Variants in MME observed in about 807,000 individuals in gnomAD.
MME encodes neprilysin.
A neutral mutation model predicts 113.2 loss-of-function variants in MME; 98 were observed. That is an observed-to-expected ratio of 0.87 (90% CI 0.74 to 1.02). The LOEUF (loss-of-function observed/expected upper bound fraction) is 1.02. Among genes scored for constraint, MME ranks in the 50% least tolerant of loss-of-function variants. The pLI is 0.00. For missense variants in MME, 836 were observed against 896.0 expected (o/e 0.93, Z 0.86); for synonymous variants, 292 against 300.6 (o/e 0.97, Z 0.30).
chr3:155,087,749 G>A (rs1446447786), intron 3 of MME, among the ~76,000 whole-genome samples: 1 of 151,938 alleles, frequency 6.6e-6, no homozygotes, highest in East Asian at 1.9e-4. Flanking sequence ...GAAGAAACTG[G>A]ATTTTTTGAC....
At chr3:155,097,776 G>A (rs1716863373) in intron 3 of MME, among the ~76,000 whole-genome samples, 1 of 152,168 alleles carries the variant, frequency 6.6e-6, no homozygotes, top group South Asian at 2.1e-4. Context: ...ATCTCCGCCT[G>A]GGAGTGAGCT....
In MME at chr3:155,160,513, A is replaced by G. The variant is rs543440029; in HGVS notation, c.1660+65A>G. 3.8e-6 allele frequency: 4 copies of G among 1,052,752 alleles called. No individual in the cohort carries two copies. In the African/African-American group the frequency reaches 4.7e-5, roughly 12 times the overall value. The allele number at this position is 1,052,752 out of a possible 1,614,324, so 65.2% of individuals were successfully genotyped here. A position where few individuals can be genotyped will look rare whatever the true frequency, so the allele number is the denominator to read the frequency against. ...TCGTTCCCAACCTGTAGTGCATTGT[A>G]TGACCAATTACAATACCTCTAAACA... On this transcript the variant is annotated intron_variant, in intron 17 of 22. Transcript: ENST00000360490.
intron 3 of MME, among the ~76,000 whole-genome samples, chr3:155,086,403 T>G (rs901078164): frequency 2.0e-5 from 3 of 152,196 alleles, no homozygotes; most frequent in African/African-American, 7.2e-5. Context: ...AGCTGGAATT[T>G]GGATTTGAGA....
chr3:155,156,561 A>T (rs75116437), intron 16 of MME, among the ~76,000 whole-genome samples: 3,299 of 152,258 alleles, frequency 0.022, 66 homozygotes, highest in East Asian at 0.11. Flanking sequence ...TAGGAAAGAG[A>T]TTAATAACCA....
At chr3:155,145,118 C>CA in intron 14 of MME, among the ~76,000 whole-genome samples, 1 of 152,196 alleles carries the variant, frequency 6.6e-6, no homozygotes, top group South Asian at 2.1e-4. Flanking sequence ...TTTCAGCTCT[C>CA]AAAGAGCCCT....
At chr3:155,114,296 A>G (rs571254721) in intron 3 of MME, among the ~76,000 whole-genome samples, 5 of 152,260 alleles carry the variant, frequency 3.3e-5, no homozygotes, top group African/African-American at 1.2e-4. Context: ...TATCAATTGC[A>G]GCTCCTACCA....
chr3:155,162,108 G>C (rs1389031785), intron 17 of MME, among the ~76,000 whole-genome samples: 1 of 152,214 alleles, frequency 6.6e-6, no homozygotes, highest in Non-Finnish European at 1.5e-5. Context: ...AATAAGGGAT[G>C]CAGCTTCATT....
At position 155,160,369 on chromosome 3, in the gene MME, GA is replaced by G. The variant is rs35450782; in HGVS notation, c.1602-20del. The G allele has an allele frequency of 0.27, 415,025 of 1,559,770 alleles. 58,122 individuals are homozygous for G. The highest frequency in any genetic ancestry group is 0.29 in the Non-Finnish European group (326,275 of 1,131,136). Reference sequence around the variant, plus strand: ...CAGATAATGCAGTATCATTTGTAAAGAGTTCTTATGTTTTCTACAGGTGGAT... The same window carrying G: ...CAGATAATGCAGTATCATTTGTAAAGGTTCTTATGTTTTCTACAGGTGGAT... On this transcript the variant is annotated intron_variant, in intron 16 of 22. Transcript: ENST00000360490.
chr3:155,049,487 T>C (rs960907754), intron 1 of MME, among the ~76,000 whole-genome samples: 1 of 152,090 alleles, frequency 6.6e-6, no homozygotes, highest in African/African-American at 2.4e-5. Context: ...GCTGGAAGAA[T>C]TTTTAAGCCA....
chr3:155,160,335 G>C lies in MME; in HGVS notation c.1602-55G>C, dbSNP rs377265560. On this transcript the variant is annotated intron_variant, in intron 16 of 22. Transcript: ENST00000360490. ...GTAATAATGCTTTAATTGTGTGAGT[G>C]GGTTGAATCAGATAATGCAGTATCA... 3.8e-5 allele frequency: 43 copies of C among 1,121,600 alleles called. No individual in the cohort carries two copies. In the African/African-American group the frequency reaches 5.1e-4, roughly 13 times the overall value. 69.5% of individuals were successfully genotyped at this position (1,121,600 alleles called of 1,614,324 possible).
intron 1 of MME, among the ~76,000 whole-genome samples, chr3:155,072,794 C>T (rs1714624833): frequency 6.6e-6 from 1 of 152,148 alleles, no homozygotes; most frequent in South Asian, 2.1e-4. Flanking sequence ...ATTTGTTGGG[C>T]TGTAAGTCAT....
intron 1 of MME, among the ~76,000 whole-genome samples, chr3:155,065,810 C>G (rs977482440): frequency 6.6e-6 from 1 of 152,144 alleles, no homozygotes; most frequent in Non-Finnish European, 1.5e-5. Flanking sequence ...TAATTAGAAG[C>G]ATTTCATACA....
At position 155,166,979 on chromosome 3, in the gene MME, A is replaced by G; in HGVS notation, c.1738A>G (p.Met580Val). The stretch of plus-strand genomic sequence containing the variant: ...CTCATTGAACTATGGGGGCATCGGC[A>G]TGGTCATAGGACACGAAATCACCCA... ...SNSLNYGGIG[M>V]VIGHEITHGF... is the part of the protein sequence containing the mutation. Residue 580 changes from methionine (M) to valine (V), a missense_variant, in exon 18 of 23, where the codon ATG becomes GTG. Transcript: ENST00000360490. 1 of 1,613,788 alleles carries G rather than the reference A, an allele frequency of 6.2e-7. No individual in the cohort carries two copies. Among genetic ancestry groups the G allele is most frequent in the Non-Finnish European group, 8.5e-7 (1 of 1,179,782 alleles).
At chr3:155,032,209 G>A (rs911990936) in intron 1 of MME, among the ~76,000 whole-genome samples, 2 of 152,160 alleles carry the variant, frequency 1.3e-5, no homozygotes, top group African/African-American at 2.4e-5. Context: ...GATCTTGTAG[G>A]AGAAATTTTG....
chr3:155,125,208 G>T (rs1236526656), intron 8 of MME, among the ~76,000 whole-genome samples: 1 of 148,462 alleles, frequency 6.7e-6, no homozygotes, highest in Non-Finnish European at 1.5e-5. Flanking sequence ...CCCTTTCTTT[G>T]ACTTGGAAAG....
intron 8 of MME, among the ~76,000 whole-genome samples, chr3:155,126,961 C>T (rs1025503605): frequency 6.1e-5 from 9 of 147,102 alleles, no homozygotes; most frequent in African/African-American, 1.8e-4. Context: ...GAGCCAAGAT[C>T]GTGCCATTGG....
intron 1 of MME, among the ~76,000 whole-genome samples, chr3:155,026,902 C>G (rs1293256654): frequency 6.6e-6 from 1 of 152,074 alleles, no homozygotes; most frequent in East Asian, 1.9e-4. Flanking sequence ...TGTCTTTAAA[C>G]AAAACAAGAG....
intron 6 of MME, 48 bp from the exon 7 acceptor site, chr3:155,116,820 T>A (rs1301732526): frequency 6.4e-6 from 10 of 1,552,554 alleles, no homozygotes; most frequent in Non-Finnish European, 8.9e-6. Context: ...ATAATATCAT[T>A]AGTGAACTAA....
At chr3:155,125,375 C>G (rs1406910431) in intron 8 of MME, among the ~76,000 whole-genome samples, 2 of 144,808 alleles carry the variant, frequency 1.4e-5, no homozygotes, top group African/African-American at 5.0e-5. Context: ...AATCACCCAT[C>G]TTCTGCGTTG....
Sources: gnomAD v4.1 joint callset for allele counts (sites outside exome capture counted in the v4.1 genomes callset) on GRCh38, gnomAD v4.1.1 for gene constraint, MANE v1.5 for transcripts, NCBI Gene and HGNC (gene_info 2026-07-23, HGNC 2026-07-21) for gene names.